NTNG1: variants seen among roughly 807,000 people sequenced by gnomAD.
The protein encoded by NTNG1 is netrin G1, also known as netrin-G1.
NTNG1 carries 16 observed loss-of-function variants against 54.0 expected under a neutral mutation model. The observed-to-expected ratio is 0.30, with a 90% confidence interval of 0.20 to 0.45. The LOEUF (loss-of-function observed/expected upper bound fraction) is 0.45, where lower values mean the gene tolerates loss of function less well. Among genes scored for constraint, NTNG1 ranks in the 20% least tolerant of loss-of-function variants. NTNG1 has a pLI of 1.00. For synonymous variants in NTNG1, 255 were observed against 263.1 expected (o/e 0.97, Z 0.30); for missense variants, 530 against 678.7 (o/e 0.78, Z 2.43).
chr1:107,290,932 G>A (rs56129187), intron 2 of NTNG1, among the ~76,000 whole-genome samples: 25,828 of 146,430 alleles, frequency 0.18, 2,615 homozygotes, highest in East Asian at 0.38. Context: ...GGTTACACAT[G>A]TGGAGATATT....
intron 7 of NTNG1, among the ~76,000 whole-genome samples, chr1:107,462,945 AC>A (rs928118947): frequency 1.3e-5 from 2 of 152,102 alleles, no homozygotes; most frequent in African/African-American, 2.4e-5. Context: ...ACAAGATGGG[AC>A]TCTAGATCTG....
chr1:107,191,586 G>T (rs1439112380), intron 2 of NTNG1, among the ~76,000 whole-genome samples: 6,670 of 151,308 alleles, frequency 0.044, 446 homozygotes, highest in African/African-American at 0.15. Flanking sequence ...CTTTAATCCA[G>T]CTTGAATTAA....
At chr1:107,389,174 A>G (rs556434122) in intron 3 of NTNG1, among the ~76,000 whole-genome samples, 4 of 152,364 alleles carry the variant, frequency 2.6e-5, no homozygotes, top group African/African-American at 9.6e-5. Flanking sequence ...AGAGCCCTGA[A>G]AGGGCCCCGA....
chr1:107,191,358 T>G (rs1377311041), intron 2 of NTNG1, among the ~76,000 whole-genome samples: 8 of 152,144 alleles, frequency 5.3e-5, no homozygotes, highest in Non-Finnish European at 2.9e-5. Context: ...TTGCAAAAAT[T>G]TTCTCCCATT....
chr1:107,417,013 T>A lies in NTNG1; in HGVS notation c.1087+9305T>A, dbSNP rs189629147. On this transcript the variant is annotated intron_variant, in intron 5 of 7. Coordinates refer to ENST00000370068, the MANE Select transcript of NTNG1 (RefSeq NM_001113226.3). ...AATATTAATTTCCTCAAAACACAAA[T>A]TTATAGTTTTTCAAAGCTGATCATC... Among the ~76,000 whole-genome samples, 218 of 152,182 alleles carry A rather than the reference T, an allele frequency of 1.4e-3. 1 individual carries two copies. Among genetic ancestry groups the A allele is most frequent in the African/African-American group, 4.7e-3 (197 of 41,582 alleles).
intron 2 of NTNG1, among the ~76,000 whole-genome samples, chr1:107,162,123 T>A (rs970943269): frequency 6.6e-6 from 1 of 152,060 alleles, no homozygotes; most frequent in Non-Finnish European, 1.5e-5. Context: ...TTATTTTTAG[T>A]TTTTGCAATT....
intron 2 of NTNG1, among the ~76,000 whole-genome samples, chr1:107,247,899 T>C (rs971418118): frequency 6.6e-6 from 1 of 152,180 alleles, no homozygotes; most frequent in African/African-American, 2.4e-5. Context: ...GTGAAGTCAG[T>C]CTGGTGCTGC....
chr1:107,235,451 GA>G (rs1661341672), intron 2 of NTNG1, among the ~76,000 whole-genome samples: 2 of 152,168 alleles, frequency 1.3e-5, no homozygotes, highest in South Asian at 4.1e-4. Flanking sequence ...TGATTTTGAT[GA>G]ATTGCTAAAC....
At chr1:107,430,608 G>T in intron 5 of NTNG1, 142 bp from the exon 6 acceptor site, 1 of 855,774 alleles carries the variant, frequency 1.2e-6, no homozygotes, top group East Asian at 2.4e-5. Flanking sequence ...ACCACCTGTT[G>T]CCACCATGTG....
chr1:107,228,236 G>A (rs566325150), intron 2 of NTNG1, among the ~76,000 whole-genome samples: 1 of 152,214 alleles, frequency 6.6e-6, no homozygotes, highest in Admixed American at 6.5e-5. Context: ...TTTGAACTTA[G>A]GTATTCATCT....
At chr1:107,220,812 A>G (rs553912175) in intron 2 of NTNG1, among the ~76,000 whole-genome samples, 2 of 152,228 alleles carry the variant, frequency 1.3e-5, no homozygotes, top group African/African-American at 4.8e-5. Context: ...ATCAGGCACT[A>G]TACCCTTCCT....
chr1:107,300,863 C>T (rs1281921721), intron 2 of NTNG1, among the ~76,000 whole-genome samples: 1 of 152,032 alleles, frequency 6.6e-6, no homozygotes. Context: ...TCACGAGAAT[C>T]CAGATTATAT....
chr1:107,316,440 A>G (rs546509341), intron 2 of NTNG1, among the ~76,000 whole-genome samples: 4 of 152,296 alleles, frequency 2.6e-5, no homozygotes, highest in South Asian at 4.1e-4. Context: ...GTGGTGGGAT[A>G]CAGTAAATTA....
chr1:107,230,330 C>A (rs1157935679), intron 2 of NTNG1, among the ~76,000 whole-genome samples: 1 of 152,164 alleles, frequency 6.6e-6, no homozygotes, highest in African/African-American at 2.4e-5. Context: ...CCCTTTCCTG[C>A]AGGTTCCAGT....
At chr1:107,239,380 G>A (rs956782658) in intron 2 of NTNG1, among the ~76,000 whole-genome samples, 9 of 152,158 alleles carry the variant, frequency 5.9e-5, no homozygotes, top group African/African-American at 1.4e-4. Context: ...GGGTGGGACA[G>A]GTTTGACATC....
At chr1:107,361,570 T>C (rs1040888711) in intron 3 of NTNG1, among the ~76,000 whole-genome samples, 7 of 151,574 alleles carry the variant, frequency 4.6e-5, no homozygotes, top group Admixed American at 2.6e-4. Flanking sequence ...GTATTTTTAG[T>C]AGACATGAGG....
intron 2 of NTNG1, among the ~76,000 whole-genome samples, chr1:107,214,001 C>T (rs1392424320): frequency 6.6e-6 from 1 of 151,984 alleles, no homozygotes; most frequent in Non-Finnish European, 1.5e-5. Context: ...AAAATATCTT[C>T]TCCTAATTTT....
chr1:107,245,657 G>C (rs1481366205), intron 2 of NTNG1, among the ~76,000 whole-genome samples: 1 of 152,068 alleles, frequency 6.6e-6, no homozygotes, highest in Admixed American at 6.5e-5. Context: ...GTTAATCTAG[G>C]AAAATACTTT....
chr1:107,281,873 T>C (rs1391962339), intron 2 of NTNG1, among the ~76,000 whole-genome samples: 1 of 152,114 alleles, frequency 6.6e-6, no homozygotes, highest in Non-Finnish European at 1.5e-5. Flanking sequence ...AGGAGTATAA[T>C]GACTCACATT....
Sources: allele counts gnomAD v4.1 joint callset (sites outside exome capture counted in the v4.1 genomes callset), GRCh38; gene constraint gnomAD v4.1.1; transcripts MANE v1.5; gene names NCBI Gene and HGNC (gene_info 2026-07-23, HGNC 2026-07-21).